Variants in PTPRD observed in about 807,000 individuals in gnomAD.
PTPRD encodes receptor-type tyrosine-protein phosphatase delta.
PTPRD carries 34 observed loss-of-function variants against 214.5 expected under a neutral mutation model. That is an observed-to-expected ratio of 0.16 (90% CI 0.12 to 0.21). The LOEUF (loss-of-function observed/expected upper bound fraction) is 0.21. PTPRD is among the 10% of genes least tolerant of loss of function. PTPRD has a pLI of 1.00. For synonymous variants in PTPRD, 1,128 were observed against 845.7 expected (o/e 1.33, Z -5.79); for missense variants, 2,545 against 2,398.7 (o/e 1.06, Z -1.27).
intron 9 of PTPRD, among the ~76,000 whole-genome samples, chr9:9,239,867 T>C (rs1030768200): frequency 6.6e-6 from 1 of 152,170 alleles, no homozygotes; most frequent in Non-Finnish European, 1.5e-5. Context: ...AAGATCCAGA[T>C]GTGCTCTGCC....
chr9:8,694,228 C>A (rs1343362384), intron 12 of PTPRD, among the ~76,000 whole-genome samples: 3 of 152,042 alleles, frequency 2.0e-5, no homozygotes, highest in Admixed American at 6.6e-5. Context: ...TAAATTACTT[C>A]TTTTGCCTCA....
chr9:8,978,170 G>A lies in PTPRD; in HGVS notation c.-104+40527C>T, dbSNP rs142223655. On this transcript the variant is annotated intron_variant, in intron 11 of 45. Transcript: ENST00000381196. ...TAATTAACGTAAATTTTGGGGAAGGGAGGTCCTTGCCATTCCCACACAATG... is the reference window on the plus strand; with the variant it reads ...TAATTAACGTAAATTTTGGGGAAGGAAGGTCCTTGCCATTCCCACACAATG... Among the ~76,000 whole-genome samples, 25 of 152,172 alleles carry A rather than the reference G, an allele frequency of 1.6e-4. No homozygotes were observed. The East Asian group carries it at 4.7e-3, about 28-fold the overall frequency.
At chr9:10,168,852 G>C (rs540987582) in intron 3 of PTPRD, among the ~76,000 whole-genome samples, 67 of 152,022 alleles carry the variant, frequency 4.4e-4, no homozygotes, top group Non-Finnish European at 7.9e-4. Flanking sequence ...CACACACGGC[G>C]CTAGCAATTA....
chr9:8,377,292 G>GA (rs138940386), intron 37 of PTPRD, among the ~76,000 whole-genome samples: 2,364 of 151,966 alleles, frequency 0.016, 72 homozygotes, highest in African/African-American at 0.054. Flanking sequence ...ATGTCTGCAG[G>GA]AAAAAGAGTT....
intron 8 of PTPRD, among the ~76,000 whole-genome samples, chr9:9,510,111 T>A (rs189166724): frequency 1.4e-4 from 22 of 151,822 alleles, no homozygotes; most frequent in Admixed American, 1.3e-3. Context: ...TGGCCCTACT[T>A]CCTACTGGGA....
intron 2 of PTPRD, among the ~76,000 whole-genome samples, chr9:10,458,979 C>T (rs922291944): frequency 3.3e-5 from 5 of 152,000 alleles, no homozygotes; most frequent in South Asian, 2.1e-4. Context: ...ACACACGTTC[C>T]GTGGTGGTTT....
chr9:8,645,486 T>C (rs899852918), intron 12 of PTPRD, among the ~76,000 whole-genome samples: 2 of 152,226 alleles, frequency 1.3e-5, no homozygotes, highest in African/African-American at 4.8e-5. Flanking sequence ...TATGCATGTC[T>C]ATACCATTAA....
At chr9:10,455,407 T>G (rs555873730) in intron 2 of PTPRD, among the ~76,000 whole-genome samples, 1 of 151,890 alleles carries the variant, frequency 6.6e-6, no homozygotes, top group African/African-American at 2.4e-5. Context: ...TATCACCTTA[T>G]GCAAAAACGT....
At chr9:9,300,222 G>C (rs988716307) in intron 9 of PTPRD, among the ~76,000 whole-genome samples, 1 of 150,554 alleles carries the variant, frequency 6.6e-6, no homozygotes, top group East Asian at 2.0e-4. Context: ...TTGTACTTGG[G>C]ATAAAATTCA....
chr9:9,434,336 T>C (rs1588315599), intron 8 of PTPRD, among the ~76,000 whole-genome samples: 1 of 152,256 alleles, frequency 6.6e-6, no homozygotes, highest in East Asian at 1.9e-4. Context: ...CACTGAAAAC[T>C]ATAAAACACT....
chr9:8,480,883 G>T (rs937340785), intron 30 of PTPRD, among the ~76,000 whole-genome samples: 13 of 152,172 alleles, frequency 8.5e-5, no homozygotes, highest in African/African-American at 3.1e-4. Flanking sequence ...GCTCACGCCT[G>T]TAACCCCAGC....
intron 10 of PTPRD, among the ~76,000 whole-genome samples, chr9:9,148,193 C>G (rs866160689): frequency 6.6e-6 from 1 of 152,022 alleles, no homozygotes; most frequent in Non-Finnish European, 1.5e-5. Flanking sequence ...AAAAAAATTG[C>G]ATGTTTTACT....
At chr9:9,367,315 C>T (rs919178134) in intron 9 of PTPRD, among the ~76,000 whole-genome samples, 2 of 151,340 alleles carry the variant, frequency 1.3e-5, no homozygotes, top group African/African-American at 4.8e-5. Flanking sequence ...TCAAGGACAT[C>T]AGATTTTAGT....
chr9:10,240,011 C>T (rs751260193), intron 3 of PTPRD, among the ~76,000 whole-genome samples: 16 of 151,884 alleles, frequency 1.1e-4, no homozygotes, highest in Non-Finnish European at 2.2e-4. Flanking sequence ...AGGGTCCTAC[C>T]CCATACTGAG....
chr9:10,278,341 C>CTT (rs2094852015), intron 3 of PTPRD, among the ~76,000 whole-genome samples: 1 of 152,116 alleles, frequency 6.6e-6, no homozygotes, highest in African/African-American at 2.4e-5. Flanking sequence ...TAAGAAAATA[C>CTT]AGGCTTCCAC....
chr9:8,472,657 A>C (rs2096677194), intron 30 of PTPRD, among the ~76,000 whole-genome samples: 1 of 152,274 alleles, frequency 6.6e-6, no homozygotes, highest in African/African-American at 2.4e-5. Context: ...TCTCAGTAAT[A>C]ATTTTTAAAA....
rs572446815 is a variant in PTPRD at position 8,825,816 on chromosome 9, A to G, written c.-103-91870T>C. Among the ~76,000 whole-genome samples, 14 of 152,058 alleles carry G rather than the reference A, an allele frequency of 9.2e-5. No homozygotes were observed. The South Asian group carries it at 2.3e-3, about 25-fold the overall frequency. On this transcript the variant is annotated intron_variant, in intron 11 of 45. Transcript: ENST00000381196. ...TAGACCATATAGAGTAACTTCCGAC[A>G]TTCCCATGGCATTTGCAAACTGTCA...
chr9:8,419,262 C>T (rs1479891090), intron 35 of PTPRD, among the ~76,000 whole-genome samples: 1 of 144,042 alleles, frequency 6.9e-6, no homozygotes, highest in African/African-American at 2.5e-5. Context: ...AAAAGAAAAA[C>T]AATATTATTA....
chr9:10,592,227 G>T (rs936792452), intron 2 of PTPRD, among the ~76,000 whole-genome samples: 1 of 152,024 alleles, frequency 6.6e-6, no homozygotes, highest in Admixed American at 6.6e-5. Flanking sequence ...ATGGAAAGGA[G>T]CTGTGAGCTA....
Sources: gnomAD v4.1 joint callset for allele counts (sites outside exome capture counted in the v4.1 genomes callset) on GRCh38, gnomAD v4.1.1 for gene constraint, MANE v1.5 for transcripts, NCBI Gene and HGNC (gene_info 2026-07-23, HGNC 2026-07-21) for gene names.